The following RBFOX1 variants were observed in gnomAD, a reference collection of about 807,000 sequenced individuals.
RBFOX1 encodes the protein RNA binding fox-1 homolog 1.
RBFOX1 carries 8 observed loss-of-function variants against 57.7 expected under a neutral mutation model. The ratio of observed to expected loss-of-function variants is 0.14; its 90% CI spans 0.08 to 0.25. RBFOX1 has a LOEUF of 0.25. RBFOX1 is among the 10% of genes least tolerant of loss of function. RBFOX1 has a pLI of 1.00. For synonymous variants in RBFOX1, 326 were observed against 222.4 expected (o/e 1.47, Z -4.15); for missense variants, 611 against 548.5 (o/e 1.11, Z -1.14).
At chr16:6,618,034 C>G (rs927431990) in intron 2 of RBFOX1, among the ~76,000 whole-genome samples, 2 of 152,142 alleles carry the variant, frequency 1.3e-5, no homozygotes, top group East Asian at 1.9e-4. Context: ...CATATGCATG[C>G]AAGACTTTGC....
At chr16:6,662,619 A>G (rs1479137772) in intron 3 of RBFOX1, among the ~76,000 whole-genome samples, 1 of 152,126 alleles carries the variant, frequency 6.6e-6, no homozygotes, top group Admixed American at 6.5e-5. Context: ...TCAGACCTTG[A>G]GACTACATCA....
chr16:7,518,033 G>A, intron 4 of RBFOX1, 114 bp from the exon 5 acceptor site: 3 of 1,327,342 alleles, frequency 2.3e-6, no homozygotes, highest in South Asian at 3.0e-5. Flanking sequence ...GTGGCACCAT[G>A]GTGACCCCTA....
At position 5,740,099 on chromosome 16, in the gene RBFOX1, C is replaced by A. The variant is rs188489694; in HGVS notation, c.319-127204C>A. On this transcript the variant is annotated intron_variant, in intron 3 of 19. Transcript: ENST00000641259. ...CGCTTGTTGGCAGTGGAGCCTCGTC[C>A]TGGGAATAGAGAGGGCAGAGCGGCC... Among the ~76,000 whole-genome samples, 72 of 152,244 alleles carry A rather than the reference C, an allele frequency of 4.7e-4. No individual in the cohort carries two copies. The East Asian group carries it at 0.01, about 21-fold the overall frequency.
rs114829458 is a variant in RBFOX1 at position 6,678,074 on chromosome 16, A to G, written c.-16+23424A>G. Among the ~76,000 whole-genome samples the G allele has an allele frequency of 7.0e-3, 1,071 of 152,310 alleles. 10 individuals are homozygous for G. Among genetic ancestry groups the G allele is most frequent in the African/African-American group, 0.024 (1,007 of 41,564 alleles). ...TTTCCTCATATAATCTATTCATCCT[A>G]TATAGCCAAAGTATTCTCATCATCT... is the stretch of plus-strand genomic sequence containing the variant. On this transcript the variant is annotated intron_variant, in intron 3 of 15. Transcript: ENST00000550418.
At chr16:5,596,021 C>T (rs1222488215) in intron 2 of RBFOX1, among the ~76,000 whole-genome samples, 4 of 152,220 alleles carry the variant, frequency 2.6e-5, no homozygotes, top group East Asian at 3.9e-4. Context: ...GAAAATGACA[C>T]GGAAGTGCGG....
At chr16:6,855,467 C>A (rs1443917012) in intron 3 of RBFOX1, among the ~76,000 whole-genome samples, 1 of 151,844 alleles carries the variant, frequency 6.6e-6, no homozygotes, top group Non-Finnish European at 1.5e-5. Flanking sequence ...CTGGCTAACA[C>A]AGTGAAACCC....
intron 3 of RBFOX1, among the ~76,000 whole-genome samples, chr16:6,751,613 G>T (rs961828136): frequency 6.6e-6 from 1 of 152,142 alleles, no homozygotes; most frequent in African/African-American, 2.4e-5. Flanking sequence ...AAGTTTACTT[G>T]TCTTAGACTG....
intron 2 of RBFOX1, among the ~76,000 whole-genome samples, chr16:6,419,726 C>A (rs999393321): frequency 6.6e-6 from 1 of 152,106 alleles, no homozygotes; most frequent in Non-Finnish European, 1.5e-5. Flanking sequence ...ACATCCCAGT[C>A]GTGTTCTATC....
At chr16:7,471,291 G>A (rs2061510738) in intron 4 of RBFOX1, among the ~76,000 whole-genome samples, 1 of 152,162 alleles carries the variant, frequency 6.6e-6, no homozygotes, top group African/African-American at 2.4e-5. Flanking sequence ...CAACAGAACT[G>A]CAATCTCTTT....
chr16:6,181,232 C>G (rs2097060007), intron 1 of RBFOX1, among the ~76,000 whole-genome samples: 1 of 152,168 alleles, frequency 6.6e-6, no homozygotes, highest in African/African-American at 2.4e-5. Context: ...TACCTGAAAA[C>G]ACATGAGCTC....
intron 3 of RBFOX1, among the ~76,000 whole-genome samples, chr16:5,700,929 A>T (rs1282303205): frequency 6.6e-6 from 1 of 152,200 alleles, no homozygotes; most frequent in Non-Finnish European, 1.5e-5. Context: ...GTCTGAGAGT[A>T]AGAAAAGGAT....
chr16:6,701,153 G>GTA (rs1321934855), intron 3 of RBFOX1, among the ~76,000 whole-genome samples: 1 of 151,432 alleles, frequency 6.6e-6, no homozygotes, highest in East Asian at 1.9e-4. Flanking sequence ...GTGTGTGTGT[G>GTA]TGTGTTTGTC....
chr16:7,093,487 C>T (rs1025054091), intron 4 of RBFOX1, among the ~76,000 whole-genome samples: 3 of 152,184 alleles, frequency 2.0e-5, no homozygotes, highest in African/African-American at 4.8e-5. Flanking sequence ...TTGGAAAGGG[C>T]TAGTTTCCCA....
intron 3 of RBFOX1, among the ~76,000 whole-genome samples, chr16:7,047,507 A>G (rs1267425972): frequency 2.0e-5 from 3 of 152,056 alleles, no homozygotes; most frequent in African/African-American, 7.2e-5. Context: ...CTTTACCAAT[A>G]TGACTGTGAT....
intron 3 of RBFOX1, among the ~76,000 whole-genome samples, chr16:5,747,280 G>T (rs1021345016): frequency 6.6e-6 from 1 of 152,156 alleles, no homozygotes; most frequent in South Asian, 2.1e-4. Flanking sequence ...GCTGGATTCA[G>T]TTTGCCAGTA....
At chr16:6,470,804 C>T (rs115484783) in intron 2 of RBFOX1, among the ~76,000 whole-genome samples, 1,786 of 152,138 alleles carry the variant, frequency 0.012, 24 homozygotes, top group African/African-American at 0.036. Context: ...CTTTTTTTAA[C>T]ACCTCCAGTT....
intron 1 of RBFOX1, among the ~76,000 whole-genome samples, chr16:6,311,556 C>T (rs944198622): frequency 2.6e-5 from 4 of 152,252 alleles, no homozygotes; most frequent in African/African-American, 7.2e-5. Flanking sequence ...AAAGGTGGTG[C>T]TTTAACCCAT....
chr16:6,297,985 G>C (rs181875642), intron 1 of RBFOX1, among the ~76,000 whole-genome samples: 3 of 152,182 alleles, frequency 2.0e-5, no homozygotes, highest in Admixed American at 6.5e-5. Context: ...CAGTTCTTTC[G>C]GGGTGCTGGA....
At chr16:7,465,457 C>T (rs917605977) in intron 4 of RBFOX1, among the ~76,000 whole-genome samples, 2 of 152,184 alleles carry the variant, frequency 1.3e-5, no homozygotes, top group South Asian at 2.1e-4. Context: ...GGAGCAGCAC[C>T]GTCATCTCTA....
Sources: gnomAD v4.1 joint callset for allele counts (sites outside exome capture counted in the v4.1 genomes callset) on GRCh38, gnomAD v4.1.1 for gene constraint, MANE v1.5 for transcripts, NCBI Gene and HGNC (gene_info 2026-07-23, HGNC 2026-07-21) for gene names.